The following LRRFIP1 variants were observed in gnomAD, a reference collection of about 807,000 sequenced individuals.
The protein encoded by LRRFIP1 is LRR binding FLII interacting protein 1, also known as leucine-rich repeat flightless-interacting protein 1.
A neutral mutation model predicts 104.4 loss-of-function variants in LRRFIP1; 62 were observed. The ratio of observed to expected loss-of-function variants is 0.59; its 90% CI spans 0.48 to 0.73. LRRFIP1 has a LOEUF of 0.73. Among genes scored for constraint, LRRFIP1 ranks in the 30% least tolerant of loss-of-function variants. The probability of loss-of-function intolerance (pLI) is 0.00; values close to 1 mark genes in which losing one functional copy is unlikely to be tolerated. For synonymous variants in LRRFIP1, 300 were observed against 299.0 expected (o/e 1.00, Z -0.03); for missense variants, 796 against 824.5 (o/e 0.97, Z 0.42).
At chr2:237,669,974 A>G (rs2090081759) in intron 1 of LRRFIP1, among the ~76,000 whole-genome samples, 1 of 152,248 alleles carries the variant, frequency 6.6e-6, no homozygotes, top group South Asian at 2.1e-4. Context: ...ACAGATTTGA[A>G]TATTAGACAC....
intron 1 of LRRFIP1, among the ~76,000 whole-genome samples, chr2:237,675,235 T>C (rs2090976078): frequency 6.6e-6 from 1 of 152,236 alleles, no homozygotes; most frequent in South Asian, 2.1e-4. Context: ...CTCTGTGGTA[T>C]GAGGCCTCCT....
chr2:237,719,450 C>G (rs2094460115), intron 4 of LRRFIP1, 73 bp from the exon 5 acceptor site: 5 of 1,025,782 alleles, frequency 4.9e-6, no homozygotes, highest in Non-Finnish European at 7.7e-6. Flanking sequence ...AGTGGGACTA[C>G]CTAAGCTTTT....
chr2:237,687,402 C>T (rs1389611483), intron 1 of LRRFIP1, among the ~76,000 whole-genome samples: 2 of 151,754 alleles, frequency 1.3e-5, no homozygotes, highest in African/African-American at 4.8e-5. Context: ...GTCAGGAGTT[C>T]GAGACCAGCC....
chr2:237,637,977 C>T (rs1166473599), intron 1 of LRRFIP1, among the ~76,000 whole-genome samples: 3 of 152,176 alleles, frequency 2.0e-5, no homozygotes, highest in Non-Finnish European at 2.9e-5. Context: ...ACCCTGTCTT[C>T]CCTAAGACAG....
chr2:237,647,879 G>A lies in LRRFIP1; in HGVS notation c.96+20139G>A, dbSNP rs574283152. Among the ~76,000 whole-genome samples the A allele has an allele frequency of 5.3e-5, 8 of 152,188 alleles. No individual in the cohort carries two copies. The South Asian group carries it at 1.5e-3, about 28-fold the overall frequency. Reference sequence around the variant, plus strand: ...GGTTTTGCTGTCTTTATGTCTTCAGGGCATTTCCATGAGAAGTGGAGGCTG... The same window carrying A: ...GGTTTTGCTGTCTTTATGTCTTCAGAGCATTTCCATGAGAAGTGGAGGCTG... On this transcript the variant is annotated intron_variant, in intron 1 of 23. Transcript: ENST00000308482.
intron 1 of LRRFIP1, among the ~76,000 whole-genome samples, chr2:237,643,028 A>G (rs1397486409): frequency 2.0e-5 from 3 of 152,240 alleles, no homozygotes; most frequent in Non-Finnish European, 4.4e-5. Flanking sequence ...CGATGAGGCA[A>G]CATTTGAGAT....
chr2:237,673,592 G>A (rs748916406), intron 1 of LRRFIP1, among the ~76,000 whole-genome samples: 2 of 152,222 alleles, frequency 1.3e-5, no homozygotes, highest in Non-Finnish European at 2.9e-5. Flanking sequence ...GGCTGCCCCC[G>A]GTCGGTCGTT....
At chr2:237,645,731 A>T (rs1199976816) in intron 1 of LRRFIP1, among the ~76,000 whole-genome samples, 1 of 152,050 alleles carries the variant, frequency 6.6e-6, no homozygotes, top group Non-Finnish European at 1.5e-5. Flanking sequence ...GTACTCAGTT[A>T]TTCCCTTTTA....
chr2:237,748,522 G>A, intron 12 of LRRFIP1, 123 bp downstream of exon 12: 2 of 892,344 alleles, frequency 2.2e-6, no homozygotes, highest in Non-Finnish European at 1.7e-6. Context: ...CTAGAAAGCG[G>A]CCCACCTAAC....
In LRRFIP1 at chr2:237,780,412, AT is replaced by A. The variant is rs2061407623; in HGVS notation, c.*881del. The A allele has an allele frequency of 6.6e-6, 1 of 151,916 alleles. No homozygotes were observed. Among genetic ancestry groups the A allele is most frequent in the African/African-American group, 2.4e-5 (1 of 41,376 alleles). 9.4% of individuals were successfully genotyped at this position (151,916 alleles called of 1,614,324 possible). A position where few individuals can be genotyped will look rare whatever the true frequency, so the allele number is the denominator to read the frequency against. On this transcript the variant is annotated 3_prime_UTR_variant, in exon 24 of 24. Transcript: ENST00000308482. The stretch of plus-strand genomic sequence containing the variant: ...TGGGTCATCTTTTTATTTTTTAAGA[AT>A]ATCAAGTCAATTCATTTTTCTTTCC...
chr2:237,762,695 G>A, intron 19 of LRRFIP1: 5 of 1,614,210 alleles, frequency 3.1e-6, no homozygotes, highest in Non-Finnish European at 4.2e-6. Context: ...ACAACACACA[G>A]AGGACACAGT....
intron 7 of LRRFIP1, among the ~76,000 whole-genome samples, chr2:237,724,914 C>A (rs2094683197): frequency 6.6e-6 from 1 of 152,080 alleles, no homozygotes; most frequent in Non-Finnish European, 1.5e-5. Flanking sequence ...ATCTCTAATG[C>A]CCTTTACATG....
At chr2:237,680,852 A>T (rs887492081) in intron 1 of LRRFIP1, among the ~76,000 whole-genome samples, 2 of 152,168 alleles carry the variant, frequency 1.3e-5, no homozygotes, top group Non-Finnish European at 2.9e-5. Flanking sequence ...AAGGTGGCAC[A>T]GGCCTGTGGT....
At chr2:237,635,451 C>T (rs1406495064) in intron 1 of LRRFIP1, among the ~76,000 whole-genome samples, 1 of 151,882 alleles carries the variant, frequency 6.6e-6, no homozygotes, top group African/African-American at 2.4e-5. Context: ...TGTCAAGTGC[C>T]ACTCTTCATG....
chr2:237,744,949 G>A (rs565492304), intron 11 of LRRFIP1, among the ~76,000 whole-genome samples: 35 of 152,254 alleles, frequency 2.3e-4, no homozygotes, highest in Non-Finnish European at 4.1e-4. Context: ...TCTGCACCAT[G>A]CCCACCTCCT....
At chr2:237,665,830 C>T (rs558813723) in intron 1 of LRRFIP1, among the ~76,000 whole-genome samples, 2 of 152,330 alleles carry the variant, frequency 1.3e-5, no homozygotes, top group African/African-American at 4.8e-5. Context: ...ACACTGGGGT[C>T]GTTTGTGGAA....
At chr2:237,736,907 G>A (rs2095266835) in intron 10 of LRRFIP1, among the ~76,000 whole-genome samples, 1 of 152,204 alleles carries the variant, frequency 6.6e-6, no homozygotes, top group Non-Finnish European at 1.5e-5. Context: ...CGTTCCTTAT[G>A]TTTACAGGAG....
At chr2:237,695,605 C>G (rs2093123532) in intron 1 of LRRFIP1, among the ~76,000 whole-genome samples, 1 of 152,196 alleles carries the variant, frequency 6.6e-6, no homozygotes, top group African/African-American at 2.4e-5. Context: ...AAGGAGTGAT[C>G]TTGAAGCCCC....
intron 1 of LRRFIP1, among the ~76,000 whole-genome samples, chr2:237,682,358 C>G (rs2091935462): frequency 6.6e-6 from 1 of 152,300 alleles, no homozygotes; most frequent in African/African-American, 2.4e-5. Context: ...TCTCTCCCTG[C>G]TTTACGTAGG....
Sources: allele counts gnomAD v4.1 joint callset (sites outside exome capture counted in the v4.1 genomes callset), GRCh38; gene constraint gnomAD v4.1.1; transcripts MANE v1.5; gene names NCBI Gene and HGNC (gene_info 2026-07-23, HGNC 2026-07-21).